The following SYT2 variants were observed in gnomAD, a reference collection of about 807,000 sequenced individuals.
SYT2 encodes synaptotagmin 2.
Under a neutral mutation model 39.9 loss-of-function variants are expected in SYT2, and 15 were observed. The observed-to-expected ratio is 0.38, with a 90% confidence interval of 0.25 to 0.58. SYT2 has a LOEUF of 0.58. SYT2 is among the 20% of genes least tolerant of loss of function. The probability of loss-of-function intolerance (pLI) is 0.70; values close to 1 mark genes in which losing one functional copy is unlikely to be tolerated. For synonymous variants in SYT2, 181 were observed against 204.5 expected (o/e 0.89, Z 0.98); for missense variants, 389 against 530.3 (o/e 0.73, Z 2.62).
chr1:202,623,657 A>AG lies in SYT2; in HGVS notation c.-17-17869dup, dbSNP rs996438267. Reference sequence around the variant, plus strand: ...CTGGTGTAGGATACGGAAAGTGTGTAGGGGGGGTGCACCCGTGGGCCCCAG... The same window carrying AG: ...CTGGTGTAGGATACGGAAAGTGTGTAGGGGGGGGTGCACCCGTGGGCCCCAG... On this transcript the variant is annotated intron_variant, in intron 1 of 8. Coordinates refer to ENST00000367268, the MANE Select transcript of SYT2 (RefSeq NM_177402.5). The surrounding 1 kb of genome is among the most constrained non-coding windows in gnomAD (Gnocchi z 4.2). Among the ~76,000 whole-genome samples the AG allele has an allele frequency of 1.1e-4, 17 of 152,274 alleles. No individual in the cohort carries two copies. Among genetic ancestry groups the AG allele is most frequent in the Middle Eastern group, 3.4e-3 (1 of 294 alleles).
At position 202,591,924 on chromosome 1, in the gene SYT2, A is replaced by G. The variant is rs1435682053; in HGVS notation, c.*4833T>C. ...GCTGAACTGTGAACCCAGGCCGAGA[A>G]AGCCAGCTCGGGCAGGGCCAGCATG... On this transcript the variant is annotated 3_prime_UTR_variant, in exon 9 of 9. Transcript: ENST00000367268. The G allele has an allele frequency of 6.5e-6, 1 of 152,870 alleles. No individual in the cohort carries two copies. Among genetic ancestry groups the G allele is most frequent in the African/African-American group, 2.4e-5 (1 of 41,460 alleles). 9.5% of individuals were successfully genotyped at this position (152,870 alleles called of 1,614,324 possible).
At chr1:202,695,889 G>C (rs1653961207) in intron 1 of SYT2, among the ~76,000 whole-genome samples, 1 of 152,210 alleles carries the variant, frequency 6.6e-6, no homozygotes, top group Non-Finnish European at 1.5e-5. Context: ...ATAAGCAAGT[G>C]CATCTGCCAT....
chr1:202,631,622 C>T (rs746079443), intron 1 of SYT2, among the ~76,000 whole-genome samples: 2 of 152,142 alleles, frequency 1.3e-5, no homozygotes, highest in Non-Finnish European at 2.9e-5. Flanking sequence ...TTCACAGCAC[C>T]GAGGGCTGGA....
At chr1:202,669,284 C>T (rs2149108563) in intron 1 of SYT2, among the ~76,000 whole-genome samples, 1 of 152,244 alleles carries the variant, frequency 6.6e-6, no homozygotes, top group African/African-American at 2.4e-5. Context: ...CTTTGGGAGG[C>T]TGAGGCAGGA....
chr1:202,631,755 C>T (rs1044707598), intron 1 of SYT2, among the ~76,000 whole-genome samples: 1 of 152,120 alleles, frequency 6.6e-6, no homozygotes, highest in Non-Finnish European at 1.5e-5. Context: ...TTCATGGTCC[C>T]AGGAGGTAAT....
intron 1 of SYT2, among the ~76,000 whole-genome samples, chr1:202,647,511 G>C (rs1277989807): frequency 2.0e-5 from 3 of 151,976 alleles, no homozygotes; most frequent in African/African-American, 7.3e-5. Flanking sequence ...TGCAACAGTA[G>C]CTGAGGCTAC....
At chr1:202,691,694 A>AGC (rs1653822998) in intron 1 of SYT2, among the ~76,000 whole-genome samples, 1 of 29,538 alleles carries the variant, frequency 3.4e-5, no homozygotes, top group African/African-American at 9.0e-5. Context: ...GGGGAGAGGG[A>AGC]GAGGGAGAGG....
rs554725979 is a variant in SYT2 at position 202,689,180 on chromosome 1, C to A, written c.-18+21078G>T. Among the ~76,000 whole-genome samples the A allele has an allele frequency of 2.6e-5, 4 of 152,274 alleles. No individual in the cohort carries two copies. The East Asian group carries it at 7.7e-4, about 29-fold the overall frequency. On this transcript the variant is annotated intron_variant, in intron 1 of 8. Coordinates refer to ENST00000367268, the MANE Select transcript of SYT2 (RefSeq NM_177402.5). ...GCTGGTGTGGCTGGACCACTCTTAG[C>A]CCCCTACTCCCTAAGGAAGGGAAGG... is the stretch of plus-strand genomic sequence containing the variant.
At chr1:202,610,270 T>C (rs1158468690) in intron 1 of SYT2, among the ~76,000 whole-genome samples, 2 of 152,350 alleles carry the variant, frequency 1.3e-5, no homozygotes, top group East Asian at 3.9e-4. Flanking sequence ...ACCAGTACCA[T>C]GCTGTTTTGG....
intron 1 of SYT2, among the ~76,000 whole-genome samples, chr1:202,653,591 G>A (rs577176026): frequency 2.1e-3 from 320 of 151,886 alleles, no homozygotes; most frequent in Non-Finnish European, 3.4e-3. Context: ...ACCATCCCCA[G>A]AGATTGGGAA....
intron 1 of SYT2, among the ~76,000 whole-genome samples, chr1:202,646,564 T>C (rs547483089): frequency 6.6e-6 from 1 of 152,368 alleles, no homozygotes; most frequent in East Asian, 1.9e-4. Context: ...ATCCTCATGC[T>C]GCCTCTGTAT....
intron 1 of SYT2, among the ~76,000 whole-genome samples, chr1:202,615,517 GCCT>G (rs1027768326): frequency 1.2e-4 from 19 of 152,118 alleles, no homozygotes; most frequent in Admixed American, 2.0e-4. Context: ...TACCACAGTA[GCCT>G]CCTATCTGGA....
At chr1:202,627,525 G>A (rs557929976) in intron 1 of SYT2, 70 of 985,228 alleles carry the variant, frequency 7.1e-5, no homozygotes, top group Non-Finnish European at 7.7e-5. Context: ...ACGGGCAGGC[G>A]CACTGCCTTG....
At chr1:202,661,684 C>T (rs574408782) in intron 1 of SYT2, among the ~76,000 whole-genome samples, 1 of 152,300 alleles carries the variant, frequency 6.6e-6, no homozygotes, top group South Asian at 2.1e-4. Flanking sequence ...GGCAGGTGTT[C>T]AGAGAGAACA....
intron 1 of SYT2, among the ~76,000 whole-genome samples, chr1:202,668,617 T>C (rs1260116709): frequency 6.6e-6 from 1 of 152,236 alleles, no homozygotes; most frequent in African/African-American, 2.4e-5. Context: ...CCATTTTATG[T>C]GCATTATGCT....
At chr1:202,702,233 C>T (rs1028947572) in intron 1 of SYT2, among the ~76,000 whole-genome samples, 1 of 152,206 alleles carries the variant, frequency 6.6e-6, no homozygotes, top group East Asian at 1.9e-4. Context: ...GGCTGGCTTG[C>T]CAATGGCAGG....
At chr1:202,600,208 G>T in intron 7 of SYT2, 149 bp downstream of exon 7, 1 of 690,908 alleles carries the variant, frequency 1.4e-6, no homozygotes. Context: ...AGGAGGGCCT[G>T]GGAAGCTAAG....
At chr1:202,672,455 C>T (rs1042371126) in intron 1 of SYT2, among the ~76,000 whole-genome samples, 11 of 152,086 alleles carry the variant, frequency 7.2e-5, no homozygotes, top group South Asian at 2.1e-4. Context: ...TTCCAGTCTC[C>T]GGAACTGTGA....
chr1:202,672,784 A>G (rs866382556), intron 1 of SYT2, among the ~76,000 whole-genome samples: 537 of 34,648 alleles, frequency 0.015, no homozygotes, highest in South Asian at 0.026. Flanking sequence ...GGAGGGAGAG[A>G]GAGAGAGAGG....
Sources: allele counts gnomAD v4.1 joint callset (sites outside exome capture counted in the v4.1 genomes callset), GRCh38; gene constraint gnomAD v4.1.1; non-coding constraint Gnocchi (gnomAD v3.1); transcripts MANE v1.5; gene names NCBI Gene and HGNC (gene_info 2026-07-23, HGNC 2026-07-21).